WDR25: variants seen among roughly 807,000 people sequenced by gnomAD.
The protein encoded by WDR25 is WD repeat-containing protein 25.
A neutral mutation model predicts 47.7 loss-of-function variants in WDR25; 35 were observed. The ratio of observed to expected loss-of-function variants is 0.73; its 90% CI spans 0.56 to 0.97. The LOEUF (loss-of-function observed/expected upper bound fraction) is 0.97, where lower values mean the gene tolerates loss of function less well. Among genes scored for constraint, WDR25 ranks in the 50% least tolerant of loss-of-function variants. The probability of loss-of-function intolerance (pLI) is 0.00; values close to 1 mark genes in which losing one functional copy is unlikely to be tolerated. For missense variants in WDR25, 634 were observed against 704.7 expected (o/e 0.90, Z 1.14); for synonymous variants, 248 against 278.9 (o/e 0.89, Z 1.10).
At chr14:100,399,222 G>T (rs1897322777) in intron 2 of WDR25, among the ~76,000 whole-genome samples, 1 of 152,046 alleles carries the variant, frequency 6.6e-6, no homozygotes, top group African/African-American at 2.4e-5. Context: ...TGGTTTATCG[G>T]ATAATTGAGT....
At chr14:100,446,709 C>G (rs1465027792) in intron 2 of WDR25, among the ~76,000 whole-genome samples, 1 of 152,122 alleles carries the variant, frequency 6.6e-6, no homozygotes, top group Non-Finnish European at 1.5e-5. Context: ...TGTCTGAAAG[C>G]TTGTGAGTAA....
At position 100,468,039 on chromosome 14, in the gene WDR25, T is replaced by G; in HGVS notation, c.841T>G (p.Ser281Ala). ...KTFKVWNAVD[S>A]GHCLQTYSLH... ...CCTGCAGGTATGGAACGCCGTGGAC[T>G]CCGGGCACTGCCTGCAGACCTACTC... Residue 281 changes from serine to alanine, a missense_variant, in exon 3 of 7, where the codon TCC becomes GCC. By Grantham distance (99) the Ser-to-Ala change is moderately conservative. Coordinates refer to ENST00000402312, the MANE Select transcript of WDR25 (RefSeq NM_001161476.3). The surrounding 1 kb of genome is among the most constrained non-coding windows in gnomAD (Gnocchi z 4.5). 1 of 1,613,126 alleles carries G rather than the reference T, an allele frequency of 6.2e-7. No individual in the cohort carries two copies. The highest frequency in any genetic ancestry group is 8.5e-7 in the Non-Finnish European group (1 of 1,180,030).
At chr14:100,403,937 G>T (rs776503547) in intron 2 of WDR25, among the ~76,000 whole-genome samples, 1 of 152,220 alleles carries the variant, frequency 6.6e-6, no homozygotes, top group South Asian at 2.1e-4. Flanking sequence ...GCCAAACAGA[G>T]CATTAAGTTA....
intron 2 of WDR25, among the ~76,000 whole-genome samples, chr14:100,409,352 A>G (rs994779344): frequency 1.3e-5 from 2 of 152,182 alleles, no homozygotes; most frequent in African/African-American, 4.8e-5. Context: ...TAGTATATGA[A>G]TCAGTTAGGA....
chr14:100,522,786 G>A (rs1006940268), intron 4 of WDR25, among the ~76,000 whole-genome samples: 44 of 152,350 alleles, frequency 2.9e-4, no homozygotes, highest in African/African-American at 1.0e-3. Context: ...TCCCCAGGGT[G>A]TCTGCCTAAG....
chr14:100,461,382 A>G (rs1160469280), intron 2 of WDR25, among the ~76,000 whole-genome samples: 3 of 152,236 alleles, frequency 2.0e-5, no homozygotes, highest in African/African-American at 7.2e-5. Context: ...TAAAAATACC[A>G]TTTATATTAT....
intron 4 of WDR25, among the ~76,000 whole-genome samples, chr14:100,507,666 T>TTA (rs1901159998): frequency 1.3e-5 from 2 of 151,588 alleles, no homozygotes; most frequent in African/African-American, 4.8e-5. Context: ...TTTTTTTTTT[T>TTA]ATGGCTGTTG....
chr14:100,462,552 G>A (rs1289668556), intron 2 of WDR25, among the ~76,000 whole-genome samples: 2 of 152,164 alleles, frequency 1.3e-5, no homozygotes, highest in African/African-American at 4.8e-5. Flanking sequence ...GTCGTTGTCT[G>A]TGCATCTACT....
intron 2 of WDR25, among the ~76,000 whole-genome samples, chr14:100,453,672 C>T (rs1899112464): frequency 6.6e-6 from 1 of 152,216 alleles, no homozygotes; most frequent in Non-Finnish European, 1.5e-5. Flanking sequence ...TGGACAGGCT[C>T]TGCACCTGCT....
intron 4 of WDR25, among the ~76,000 whole-genome samples, chr14:100,524,605 T>C (rs1199454849): frequency 1.3e-5 from 2 of 152,262 alleles, no homozygotes; most frequent in East Asian, 3.9e-4. Context: ...ATCTCCCTGG[T>C]TGAGGGTTGC....
chr14:100,497,555 C>T (rs1260947538), intron 4 of WDR25, among the ~76,000 whole-genome samples: 1 of 152,208 alleles, frequency 6.6e-6, no homozygotes, highest in Non-Finnish European at 1.5e-5. Context: ...GAGTTTCTGT[C>T]TCTCTCTCAC....
intron 2 of WDR25, among the ~76,000 whole-genome samples, chr14:100,414,335 G>T (rs2140198019): frequency 9.4e-6 from 1 of 106,592 alleles, no homozygotes; most frequent in East Asian, 2.6e-4. Flanking sequence ...TTTTTTTTGA[G>T]ACAGTCTTGC....
chr14:100,413,610 T>A (rs1185255288), intron 2 of WDR25, among the ~76,000 whole-genome samples: 1 of 152,066 alleles, frequency 6.6e-6, no homozygotes. Context: ...AGATGGGGTT[T>A]CACCGTGTTA....
At chr14:100,456,620 A>G (rs1409704928) in intron 2 of WDR25, among the ~76,000 whole-genome samples, 1 of 152,216 alleles carries the variant, frequency 6.6e-6, no homozygotes, top group Non-Finnish European at 1.5e-5. Flanking sequence ...AACACAGTAC[A>G]TGGAATTAAC....
intron 4 of WDR25, among the ~76,000 whole-genome samples, chr14:100,490,219 A>C (rs538638585): frequency 6.6e-6 from 1 of 152,288 alleles, no homozygotes; most frequent in South Asian, 2.1e-4. Flanking sequence ...GGACTCCCTG[A>C]GGGAAAGAGT....
intron 2 of WDR25, chr14:100,454,561 A>G: frequency 1.4e-6 from 1 of 736,802 alleles, no homozygotes; most frequent in Non-Finnish European, 2.1e-6. Context: ...TGGAGAGCAA[A>G]AAAAAGCAGG....
At position 100,520,596 on chromosome 14, in the gene WDR25, C is replaced by T. The variant is rs143886660; in HGVS notation, c.1102-5274C>T. On this transcript the variant is annotated intron_variant, in intron 4 of 6. Transcript: ENST00000402312. ...ATGTGATTGGCGACTTCTGCTTTTG[C>T]GACTTTAAACCAAAGCAGTGGGCCC... 1.3e-3 allele frequency among the ~76,000 whole-genome samples: 201 copies of T among 152,286 alleles called. 1 individual carries two copies. The highest frequency in any genetic ancestry group is 5.0e-4 in the Non-Finnish European group (34 of 68,016).
At chr14:100,395,756 C>T (rs965686979) in intron 2 of WDR25, among the ~76,000 whole-genome samples, 4 of 152,166 alleles carry the variant, frequency 2.6e-5, no homozygotes, top group Admixed American at 2.6e-4. Flanking sequence ...CCTGCTCAGT[C>T]GACCATGCTC....
chr14:100,456,428 C>T (rs1338644858), intron 2 of WDR25, among the ~76,000 whole-genome samples: 1 of 152,076 alleles, frequency 6.6e-6, no homozygotes, highest in Non-Finnish European at 1.5e-5. Context: ...TCAATAGATA[C>T]AGATCCAGAA....
Sources: gnomAD v4.1 joint callset for allele counts (sites outside exome capture counted in the v4.1 genomes callset) on GRCh38, gnomAD v4.1.1 for gene constraint, Gnocchi (gnomAD v3.1) non-coding constraint, MANE v1.5 for transcripts, NCBI Gene and HGNC (gene_info 2026-07-23, HGNC 2026-07-21) for gene names.